FSD1L: variants seen among roughly 807,000 people sequenced by gnomAD.
The protein encoded by FSD1L is FSD1-like protein.
Under a neutral mutation model 71.6 loss-of-function variants are expected in FSD1L, and 45 were observed. That is an observed-to-expected ratio of 0.63 (90% CI 0.49 to 0.81). The LOEUF is 0.81. Among genes scored for constraint, FSD1L ranks in the 30% least tolerant of loss-of-function variants. The pLI is 0.00. For missense variants in FSD1L, 561 were observed against 618.1 expected (o/e 0.91, Z 0.98); for synonymous variants, 197 against 207.2 (o/e 0.95, Z 0.42).
At chr9:105,464,834 G>A (rs558259946) in intron 3 of FSD1L, among the ~76,000 whole-genome samples, 24 of 151,956 alleles carry the variant, frequency 1.6e-4, no homozygotes, top group South Asian at 1.0e-3. Context: ...ACAAAAATTA[G>A]CTGGGTGTGG....
chr9:105,455,975 T>C (rs1022789251), intron 1 of FSD1L, among the ~76,000 whole-genome samples: 5 of 152,350 alleles, frequency 3.3e-5, no homozygotes, highest in East Asian at 1.9e-4. Context: ...TCTCCTCCTC[T>C]GAGAAGATGC....
At chr9:105,496,873 C>T (rs1354221053) in intron 7 of FSD1L, among the ~76,000 whole-genome samples, 1 of 152,184 alleles carries the variant, frequency 6.6e-6, no homozygotes, top group Non-Finnish European at 1.5e-5. Context: ...TATTGTCGTA[C>T]TGCATTACCT....
upstream of FSD1L, among the ~76,000 whole-genome samples, chr9:105,443,336 C>A (rs62575092): frequency 6.6e-6 from 1 of 152,136 alleles, no homozygotes. Flanking sequence ...CAGCTTTCAT[C>A]TGCAGGGAAA....
chr9:105,513,296 A>C (rs1358414918), intron 10 of FSD1L, among the ~76,000 whole-genome samples: 4 of 152,180 alleles, frequency 2.6e-5, no homozygotes, highest in African/African-American at 9.7e-5. Context: ...ACTAAATGAC[A>C]GCGTTTAATA....
At chr9:105,454,741 T>A (rs1830261942) in intron 1 of FSD1L, among the ~76,000 whole-genome samples, 1 of 152,194 alleles carries the variant, frequency 6.6e-6, no homozygotes, top group Non-Finnish European at 1.5e-5. Flanking sequence ...GATGGGAGAT[T>A]ACCTCCTCAT....
At position 105,498,223 on chromosome 9, in the gene FSD1L, A is replaced by ATTATTATTATTATTATTG. The variant is rs770554725; in HGVS notation, c.587-8174_587-8173insATTATTATTATTATTGTT. Among the ~76,000 whole-genome samples the ATTATTATTATTATTATTG allele has an allele frequency of 4.4e-3, 645 of 147,150 alleles. 1 individual carries two copies. Among genetic ancestry groups the ATTATTATTATTATTATTG allele is most frequent in the East Asian group, 0.016 (81 of 5,064 alleles). ...TATTATTATTATTATTATTATTATT[A>ATTATTATTATTATTATTG]TTGTTTTTAGTTTACCAAGGCGAAA... On this transcript the variant is annotated intron_variant, in intron 7 of 13. Transcript: ENST00000481272.
chr9:105,530,271 G>A (rs1447654963), intron 10 of FSD1L, among the ~76,000 whole-genome samples: 1 of 152,168 alleles, frequency 6.6e-6, no homozygotes, highest in Non-Finnish European at 1.5e-5. Context: ...ATAGTTAAGT[G>A]GTCAGGGTGT....
intron 5 of FSD1L, among the ~76,000 whole-genome samples, chr9:105,475,746 C>A (rs74616333): frequency 6.6e-6 from 1 of 152,118 alleles, no homozygotes; most frequent in South Asian, 2.1e-4. Flanking sequence ...AAAACAGTTG[C>A]GGACAGTACT....
chr9:105,486,576 AT>A (rs1832562738), intron 7 of FSD1L, among the ~76,000 whole-genome samples: 1 of 152,180 alleles, frequency 6.6e-6, no homozygotes, highest in Non-Finnish European at 1.5e-5. Context: ...TAGAAGTCAC[AT>A]TAACCATATG....
At position 105,550,828 on chromosome 9, in the gene FSD1L, A is replaced by G. The variant is rs1837232651; in HGVS notation, c.*4345A>G. On this transcript the variant is annotated 3_prime_UTR_variant, in exon 14 of 14. Coordinates refer to ENST00000481272, the MANE Select transcript of FSD1L (RefSeq NM_001145313.3). ...ATATTTCTTATTTCTGGGTCAATAT[A>G]AGGTACTGACTTCTGATGCATAATC... The G allele has an allele frequency of 6.6e-6, 1 of 152,098 alleles. No individual in the cohort carries two copies. Among genetic ancestry groups the G allele is most frequent in the African/African-American group, 2.4e-5 (1 of 41,440 alleles). The allele number at this position is 152,098 out of a possible 1,614,324, so 9.4% of individuals were successfully genotyped here. A position where few individuals can be genotyped will look rare whatever the true frequency, so the allele number is the denominator to read the frequency against.
chr9:105,508,813 A>G (rs1834224709), intron 9 of FSD1L, 98 bp downstream of exon 9: 1 of 640,066 alleles, frequency 1.6e-6, no homozygotes, highest in Non-Finnish European at 2.6e-6. Context: ...ATGTTGAATT[A>G]CTTCTCTACT....
At chr9:105,468,424 C>T in intron 4 of FSD1L, 100 bp downstream of exon 4, 3 of 876,724 alleles carry the variant, frequency 3.4e-6, no homozygotes, top group Non-Finnish European at 4.9e-6. Context: ...TAACTATACC[C>T]TTACCTCGTA....
chr9:105,516,288 C>A lies in FSD1L; in HGVS notation c.1025+3352C>A, dbSNP rs139741043. Among the ~76,000 whole-genome samples, 29 of 152,324 alleles carry A rather than the reference C, an allele frequency of 1.9e-4. 1 individual carries two copies. In the East Asian group the frequency reaches 5.6e-3, roughly 29 times the overall value. Reference sequence around the variant, plus strand: ...GCTTTAGCGACTTAAACGTTCCTGCCTGACAGCTCTGAAGAAAGCAGCGGA... The same window carrying A: ...GCTTTAGCGACTTAAACGTTCCTGCATGACAGCTCTGAAGAAAGCAGCGGA... On this transcript the variant is annotated intron_variant, in intron 10 of 13. Coordinates refer to ENST00000481272, the MANE Select transcript of FSD1L (RefSeq NM_001145313.3).
intron 1 of FSD1L, 91 bp downstream of exon 1, chr9:105,448,326 C>T (rs1437204154): frequency 2.5e-6 from 2 of 787,300 alleles, no homozygotes; most frequent in Non-Finnish European, 3.6e-6. Flanking sequence ...TGTGGGTGCG[C>T]GGGGTGGGCC....
chr9:105,469,540 A>G (rs1487914924), intron 4 of FSD1L, among the ~76,000 whole-genome samples: 1 of 151,710 alleles, frequency 6.6e-6, no homozygotes, highest in Non-Finnish European at 1.5e-5. Flanking sequence ...GCATCTCTTC[A>G]CGTGTTTGTT....
Position 105,448,064 on chromosome 9 carries a change from G to C in FSD1L, c.-157G>C, listed in dbSNP as rs775499768. 12 of 801,998 alleles carry C rather than the reference G, an allele frequency of 1.5e-5. No individual in the cohort carries two copies. Among genetic ancestry groups the C allele is most frequent in the Non-Finnish European group, 2.2e-5 (11 of 489,460 alleles). The allele number at this position is 801,998 out of a possible 1,614,324, so 49.7% of individuals were successfully genotyped here. ...ACCCTGGCAACCGCGGCGTGACTAC[G>C]GCGCGCGCGGTCTGGGCGCGGACGG... On this transcript the variant is annotated 5_prime_UTR_variant, in exon 1 of 14. Coordinates refer to ENST00000481272, the MANE Select transcript of FSD1L (RefSeq NM_001145313.3).
At chr9:105,541,048 C>T (rs1369705429) in intron 13 of FSD1L, among the ~76,000 whole-genome samples, 2 of 152,062 alleles carry the variant, frequency 1.3e-5, no homozygotes, top group Non-Finnish European at 2.9e-5. Context: ...GTCATCACCC[C>T]TAACTGTAAC....
At chr9:105,505,818 G>A (rs1349668739) in intron 7 of FSD1L, among the ~76,000 whole-genome samples, 1 of 152,212 alleles carries the variant, frequency 6.6e-6, no homozygotes, top group Non-Finnish European at 1.5e-5. Context: ...GTTCAGACAA[G>A]TCCGTATCAC....
intron 7 of FSD1L, among the ~76,000 whole-genome samples, chr9:105,497,267 T>TA (rs35981099): frequency 0.68 from 103,407 of 151,980 alleles, 35,529 homozygotes; most frequent in African/African-American, 0.77. Context: ...TTTGATTTGC[T>TA]ATATTTTGTT....
Sources: allele counts gnomAD v4.1 joint callset (sites outside exome capture counted in the v4.1 genomes callset), GRCh38; gene constraint gnomAD v4.1.1; transcripts MANE v1.5; gene names NCBI Gene and HGNC (gene_info 2026-07-23, HGNC 2026-07-21).